SRSF1: variants seen among roughly 807,000 people sequenced by gnomAD.
SRSF1 encodes serine and arginine rich splicing factor 1, also known as serine/arginine-rich splicing factor 1.
In SRSF1, 1 loss-of-function variant was observed where a neutral mutation model predicts 25.9. The ratio of observed to expected loss-of-function variants is 0.04; its 90% CI spans 0.01 to 0.18. SRSF1 has a LOEUF of 0.18. Among genes scored for constraint, SRSF1 ranks in the 10% least tolerant of loss-of-function variants. The pLI, the probability that SRSF1 is intolerant of heterozygous loss-of-function variation, is 1.00. For synonymous variants in SRSF1, 132 were observed against 126.2 expected, an observed-to-expected ratio of 1.05 and a Z score of -0.31; for missense variants, 65 against 350.5, an observed-to-expected ratio of 0.19 and a Z score of 6.50.
intron 1 of SRSF1, 62 bp from the exon 2 acceptor site, chr17:58,006,589 G>A: frequency 2.0e-6 from 3 of 1,519,962 alleles, no homozygotes; most frequent in Non-Finnish European, 2.7e-6. Context: ...CGCTCAGTTG[G>A]GAACCAGCAA....
chr17:57,999,501 T>C (rs1004341534), downstream of SRSF1, among the ~76,000 whole-genome samples: 5 of 152,102 alleles, frequency 3.3e-5, no homozygotes, highest in African/African-American at 1.2e-4. Flanking sequence ...ATGCAAAAGC[T>C]GAAAAGGGGA....
chr17:57,994,330 GAA>G, the SRSF1 span: 1 of 152,206 alleles, frequency 6.6e-6, no homozygotes, highest in African/African-American at 2.4e-5. Flanking sequence ...AATCAGTTAA[GAA>G]AAGCACATGA....
chr17:57,993,745 C>G, the SRSF1 span: 2 of 152,226 alleles, frequency 1.3e-5, no homozygotes, highest in African/African-American at 4.8e-5. Flanking sequence ...TGGTCTCTAA[C>G]AAAGCACACA....
chr17:58,005,501 T>C lies in SRSF1; in HGVS notation c.652A>G (p.Arg218Gly). 2.5e-6 allele frequency: 4 copies of C among 1,614,210 alleles called. No individual in the cohort carries two copies. Among genetic ancestry groups the C allele is most frequent in the Non-Finnish European group, 3.4e-6 (4 of 1,180,028 alleles). The change falls in exon 4 of 4, where the codon AGA becomes GGA. Residue 218 changes from arginine (R) to glycine (G), a missense_variant. Coordinates refer to ENST00000258962, the MANE Select transcript of SRSF1 (RefSeq NM_006924.5). The surrounding 1 kb of genome is among the most constrained non-coding windows in gnomAD (Gnocchi z 5.2). ...TAACTGCGACTCCTGCTGTTGCTTCTGCTACGGCTTCTGCTACGACTACGG... is the reference window on the plus strand; with the variant it reads ...TAACTGCGACTCCTGCTGTTGCTTCCGCTACGGCTTCTGCTACGACTACGG... ...RSRSRSRSRS[R>G]SNSRSRSYSP...
rs541584596 is a variant in SRSF1 at position 58,005,175 on chromosome 17, T to C, written c.*231A>G. 153 of 582,014 alleles carry C rather than the reference T, an allele frequency of 2.6e-4. No homozygotes were observed. Among genetic ancestry groups the C allele is most frequent in the Middle Eastern group, 1.8e-3 (5 of 2,704 alleles). The allele number at this position is 582,014 out of a possible 1,614,324, so 36.1% of individuals were successfully genotyped here. A position where few individuals can be genotyped will look rare whatever the true frequency, so the allele number is the denominator to read the frequency against. On this transcript the variant is annotated 3_prime_UTR_variant, in exon 4 of 4. Transcript: ENST00000258962. This position sits in a 1 kb window ranked among gnomAD's most constrained non-coding sequence, Gnocchi z 5.2. ...TTACACAATATCACAGTCTGAAGAG[T>C]ATGGAGTTAACTAAATTTAAACAAT...
At chr17:57,994,341 G>A in the SRSF1 span, 28 of 152,324 alleles carry the variant, frequency 1.8e-4, no homozygotes, top group African/African-American at 6.5e-4. Flanking sequence ...AAAAGCACAT[G>A]AAGAGTCCAA....
chr17:57,997,420 A>G (rs1327212920), downstream of SRSF1, among the ~76,000 whole-genome samples: 1 of 152,224 alleles, frequency 6.6e-6, no homozygotes, highest in Non-Finnish European at 1.5e-5. Context: ...GCCCATCAAT[A>G]TTAAAACTGT....
chr17:57,990,042 T>G, the SRSF1 span: 1 of 310,562 alleles, frequency 3.2e-6, no homozygotes, highest in Non-Finnish European at 5.9e-6. Flanking sequence ...CTCCAGAGTT[T>G]TCCTCCTTCC....
Position 58,005,497 on chromosome 17 carries a change from C to T in SRSF1, c.656G>A (p.Ser219Asn), listed in dbSNP as rs776990823. 1 of 1,614,070 alleles carries T rather than the reference C, an allele frequency of 6.2e-7. No homozygotes were observed. Among genetic ancestry groups the T allele is most frequent in the Non-Finnish European group, 8.5e-7 (1 of 1,180,050 alleles). Residue 219 changes from serine (S) to asparagine (N), a missense_variant, in exon 4 of 4, where the codon AGC (serine) becomes AAC (asparagine). Around this residue, in one of 2 missense-constraint regions of SRSF1, gnomAD observed 63 missense variants for 284.8 expected, o/e 0.22. Transcript: ENST00000258962. This position sits in a 1 kb window ranked among gnomAD's most constrained non-coding sequence, Gnocchi z 5.2. ...SRSRSRSRSR[S>N]NSRSRSYSPR... ...GGAGTAACTGCGACTCCTGCTGTTG[C>T]TTCTGCTACGGCTTCTGCTACGACT...
Position 58,006,398 on chromosome 17 carries a change from G to A in SRSF1, c.324C>T (p.Pro108=). The A allele has an allele frequency of 6.2e-7, 1 of 1,613,042 alleles. No individual in the cohort carries two copies. The highest frequency in any genetic ancestry group is 8.5e-7 in the Non-Finnish European group (1 of 1,180,002). Residue 108 remains proline, a synonymous_variant, in exon 2 of 4, where the codon CCC becomes CCT. Coordinates refer to ENST00000258962, the MANE Select transcript of SRSF1 (RefSeq NM_006924.5). The part of the protein sequence containing the change: ...GGGGGGGGGA[P]RGRYGPPSRR... ...TGGATGGGGGGCCATAGCGACCTCG[G>A]GGAGCTCCGCCACCTCCACCCCCGC...
downstream of SRSF1, among the ~76,000 whole-genome samples, chr17:57,999,215 TC>T (rs2075376229): frequency 1.3e-5 from 2 of 152,186 alleles, no homozygotes; most frequent in African/African-American, 4.8e-5. Flanking sequence ...GAGAAGATCA[TC>T]ACACCTGAAA....
chr17:57,994,854 T>G, the SRSF1 span: 1 of 152,240 alleles, frequency 6.6e-6, no homozygotes, highest in Non-Finnish European at 1.5e-5. Flanking sequence ...GCATGAGTAT[T>G]TCAGTAAAAT....
rs1337733714 is a variant in SRSF1 at position 58,002,847 on chromosome 17, T to G, written c.*2559A>C. On this transcript the variant is annotated 3_prime_UTR_variant, in exon 4 of 4. Coordinates refer to ENST00000258962, the MANE Select transcript of SRSF1 (RefSeq NM_006924.5). ...GGGTAACACAGAGAAACCACATCTC[T>G]ACTAAAAATACAAAATTAGCCGGGC... 6.6e-6 allele frequency among the ~76,000 whole-genome samples: 1 copy of G among 152,102 alleles called. No homozygotes were observed. Among genetic ancestry groups the G allele is most frequent in the African/African-American group, 2.4e-5 (1 of 41,420 alleles).
At chr17:57,989,301 C>T in the SRSF1 span, 3 of 398,496 alleles carry the variant, frequency 7.5e-6, no homozygotes, top group Non-Finnish European at 1.3e-5. Flanking sequence ...TATTATTAAA[C>T]AAGTGTCTCT....
At chr17:58,006,886 G>C (rs1018830945) in intron 1 of SRSF1, 58 bp downstream of exon 1, 5 of 1,588,494 alleles carry the variant, frequency 3.1e-6, no homozygotes, top group Middle Eastern at 1.7e-4. Flanking sequence ...AGGCCTTGGA[G>C]CCTTCCCCAA....
At chr17:57,998,825 AAC>A (rs2075374333), downstream of SRSF1, among the ~76,000 whole-genome samples, 2 of 152,170 alleles carry the variant, frequency 1.3e-5, no homozygotes, top group African/African-American at 4.8e-5. Context: ...TATTCTTTGA[AAC>A]AGACTGATTT....
downstream of SRSF1, among the ~76,000 whole-genome samples, chr17:57,998,715 TG>T (rs1200385824): frequency 1.3e-5 from 2 of 152,248 alleles, no homozygotes; most frequent in African/African-American, 4.8e-5. Context: ...TAGCTTTCCT[TG>T]CTACTTAGTG....
chr17:57,997,491 T>C (rs1252303716), downstream of SRSF1, among the ~76,000 whole-genome samples: 1 of 152,162 alleles, frequency 6.6e-6, no homozygotes, highest in Non-Finnish European at 1.5e-5. Context: ...TCTGTAGAGT[T>C]AAAAAATACA....
downstream of SRSF1, among the ~76,000 whole-genome samples, chr17:57,996,503 A>AAAAAAAAAAC (rs1555574723): frequency 1.3e-5 from 2 of 151,092 alleles, no homozygotes. Context: ...AAAAAAAAAA[A>AAAAAAAAAAC]CAGCCTTTGC....
Sources: allele counts gnomAD v4.1 joint callset (sites outside exome capture counted in the v4.1 genomes callset), GRCh38; gene constraint gnomAD v4.1.1; regional missense constraint gnomAD v4.1.1; non-coding constraint Gnocchi (gnomAD v3.1); transcripts MANE v1.5; gene names NCBI Gene and HGNC (gene_info 2026-07-23, HGNC 2026-07-21).